Variants in ASCC3 observed in about 807,000 individuals in gnomAD.
ASCC3 encodes the protein ASC-1 complex subunit P200.
Under a neutral mutation model 256.3 loss-of-function variants are expected in ASCC3, and 158 were observed. The observed-to-expected ratio is 0.62, with a 90% CI of 0.54 to 0.70. The LOEUF is 0.70. ASCC3 is among the 30% of genes least tolerant of loss of function. The pLI, the probability that ASCC3 is intolerant of heterozygous loss-of-function variation, is 0.00. For missense variants in ASCC3, 2,259 were observed against 2,626.0 expected (o/e 0.86, Z 3.05); for synonymous variants, 948 against 883.4 (o/e 1.07, Z -1.30).
In ASCC3 at chr6:100,561,599, T is replaced by A. The variant is rs574675446; in HGVS notation, c.5551-21212A>T. 1.1e-4 allele frequency among the ~76,000 whole-genome samples: 16 copies of A among 152,260 alleles called. No homozygotes were observed. The East Asian group carries it at 2.9e-3, about 28-fold the overall frequency. ...TTCACAGGTTATTTTGAGGTCTTAATTGATTCTTTCTCTCTCATTCCTTCC... is the reference window on the plus strand; with the variant it reads ...TTCACAGGTTATTTTGAGGTCTTAAATGATTCTTTCTCTCTCATTCCTTCC... On this transcript the variant is annotated intron_variant, in intron 36 of 41. Transcript: ENST00000369162.
chr6:100,801,025 CAATAACTAAAGCA>C (rs1769892350), intron 5 of ASCC3, among the ~76,000 whole-genome samples: 2 of 151,646 alleles, frequency 1.3e-5, no homozygotes, highest in Admixed American at 1.3e-4. Flanking sequence ...ATATTTGAGA[CAATAACTAAAGCA>C]AATAAAGCAA....
intron 36 of ASCC3, among the ~76,000 whole-genome samples, chr6:100,577,732 A>C (rs1027818304): frequency 6.6e-6 from 1 of 151,034 alleles, no homozygotes; most frequent in Admixed American, 6.6e-5. Context: ...ACACACACAC[A>C]CCCACCCACC....
At chr6:100,859,062 T>A (rs755425871) in intron 3 of ASCC3, 2 of 771,362 alleles carry the variant, frequency 2.6e-6, no homozygotes, top group South Asian at 1.4e-5. Flanking sequence ...AATAGTCAAA[T>A]ATTCAGATTT....
intron 30 of ASCC3, among the ~76,000 whole-genome samples, chr6:100,623,539 T>A (rs1401204896): frequency 6.6e-6 from 1 of 152,160 alleles, no homozygotes; most frequent in Non-Finnish European, 1.5e-5. Flanking sequence ...CTGTTAATCC[T>A]GGGCACCAGT....
intron 25 of ASCC3, among the ~76,000 whole-genome samples, chr6:100,634,884 AAAAG>A (rs1345872458): frequency 6.8e-6 from 1 of 146,456 alleles, no homozygotes; most frequent in African/African-American, 2.5e-5. Context: ...AAAAAAAAAG[AAAAG>A]AAAAAAGAAA....
chr6:100,793,462 G>A (rs1769449716), intron 8 of ASCC3, among the ~76,000 whole-genome samples: 1 of 151,886 alleles, frequency 6.6e-6, no homozygotes, highest in Non-Finnish European at 1.5e-5. Flanking sequence ...AATTTCATCA[G>A]AACCATGGCC....
chr6:100,849,137 T>C (rs953908760), intron 3 of ASCC3, among the ~76,000 whole-genome samples: 1 of 152,040 alleles, frequency 6.6e-6, no homozygotes, highest in Non-Finnish European at 1.5e-5. Context: ...TAAAGACAGA[T>C]AGCCAATTTA....
At chr6:100,755,938 G>C (rs151265648) in intron 10 of ASCC3, among the ~76,000 whole-genome samples, 2 of 151,906 alleles carry the variant, frequency 1.3e-5, no homozygotes, top group African/African-American at 4.8e-5. Flanking sequence ...TAAAAAAATA[G>C]TAAACTTTTT....
intron 4 of ASCC3, among the ~76,000 whole-genome samples, chr6:100,837,767 A>G (rs1419476216): frequency 1.3e-5 from 2 of 152,128 alleles, no homozygotes; most frequent in Non-Finnish European, 2.9e-5. Context: ...AGTTTGGCCA[A>G]TGGGTACGAA....
In ASCC3 at chr6:100,627,663, T is replaced by G. The variant is rs765582039; in HGVS notation, c.4569A>C (p.Glu1523Asp). ...GACCTGGAAAGCCTTGAATGTGAAC[T>G]TCCAGTGGAACTGGGCGTACTGATG... ...FRPSVRPVPLEVHIQGFPGQH... is the reference protein window; with the variant it reads ...FRPSVRPVPLDVHIQGFPGQH... Residue 1523 changes from glutamate to aspartate, a missense_variant, in exon 29 of 42, where the codon GAA becomes GAC. Glu to Asp is a conservative substitution (Grantham distance 45, BLOSUM62 2). Coordinates refer to ENST00000369162, the MANE Select transcript of ASCC3 (RefSeq NM_006828.4). 2 of 1,613,584 alleles carry G rather than the reference T, an allele frequency of 1.2e-6. No individual in the cohort carries two copies. The highest frequency in any genetic ancestry group is 2.7e-5 in the African/African-American group (2 of 75,004).
chr6:100,601,773 G>C, intron 34 of ASCC3, 37 bp downstream of exon 34: 3 of 1,606,354 alleles, frequency 1.9e-6, no homozygotes, highest in Middle Eastern at 1.7e-4. Context: ...TTATTTCGGG[G>C]CAAAACAGAA....
intron 10 of ASCC3, among the ~76,000 whole-genome samples, chr6:100,753,367 C>A (rs11155636): frequency 1.3e-5 from 2 of 150,276 alleles, no homozygotes; most frequent in African/African-American, 4.9e-5. Flanking sequence ...TAAAATATCA[C>A]CATTAAAATT....
intron 36 of ASCC3, among the ~76,000 whole-genome samples, chr6:100,580,370 T>A (rs143572582): frequency 6.6e-6 from 1 of 152,154 alleles, no homozygotes; most frequent in East Asian, 1.9e-4. Context: ...TAGGACTAGA[T>A]ACAATCAAGA....
chr6:100,610,142 T>C (rs985597839), intron 30 of ASCC3, among the ~76,000 whole-genome samples: 6 of 152,180 alleles, frequency 3.9e-5, no homozygotes, highest in African/African-American at 1.4e-4. Context: ...AGAAGTAACT[T>C]GGAAATAGTA....
chr6:100,621,058 C>T (rs543523405), intron 30 of ASCC3, among the ~76,000 whole-genome samples: 30 of 152,044 alleles, frequency 2.0e-4, no homozygotes, highest in East Asian at 3.9e-4. Flanking sequence ...CAGATGGGCG[C>T]GGTGAAACAA....
In ASCC3 at chr6:100,605,603, T is replaced by C. The variant is rs768165815; in HGVS notation, c.5142A>G (p.Lys1714=). ...LVHDIKKDFY[K]KFLYEPFPVE... ...CTGGGAAAGGTTCATAAAGAAATTT[T>C]TTATAAAAGTCTTTCTTTATGTCAT... The change falls in exon 33 of 42, where the codon AAA becomes AAG. Residue 1714 remains lysine (K), a synonymous_variant. Coordinates refer to ENST00000369162, the MANE Select transcript of ASCC3 (RefSeq NM_006828.4). The C allele has an allele frequency of 2.5e-6, 4 of 1,571,128 alleles. No individual in the cohort carries two copies. The Admixed American group carries it at 6.7e-5, about 26-fold the overall frequency.
At chr6:100,656,636 A>C (rs1301894822) in intron 16 of ASCC3, among the ~76,000 whole-genome samples, 1 of 151,558 alleles carries the variant, frequency 6.6e-6, no homozygotes, top group Non-Finnish European at 1.5e-5. Flanking sequence ...TAATAATTTA[A>C]AAACACAACA....
At chr6:100,725,468 A>G (rs1040215102) in intron 11 of ASCC3, 71 bp downstream of exon 11, 1 of 1,504,842 alleles carries the variant, frequency 6.6e-7, no homozygotes, top group Non-Finnish European at 9.2e-7. Flanking sequence ...GTCTACAGTG[A>G]AAATGCTACA....
rs111228232 is a variant in ASCC3, at chr6:100,638,850, G to A, written c.3902-29C>T. ...AAAAGACCCAACAGGATGGCTATAC[G>A]ACAATTGAAAAACACGCATAATACT... On this transcript the variant is annotated intron_variant, in intron 24 of 41. Coordinates refer to ENST00000369162, the MANE Select transcript of ASCC3 (RefSeq NM_006828.4). The A allele has an allele frequency of 1.4e-5, 22 of 1,568,406 alleles. No homozygotes were observed. In the Middle Eastern group the frequency reaches 6.7e-4, roughly 48 times the overall value.
Sources: gnomAD v4.1 joint callset for allele counts (sites outside exome capture counted in the v4.1 genomes callset) on GRCh38, gnomAD v4.1.1 for gene constraint, MANE v1.5 for transcripts, NCBI Gene and HGNC (gene_info 2026-07-23, HGNC 2026-07-21) for gene names.